The following ATF6 variants were observed in gnomAD, a reference collection of about 807,000 sequenced individuals.
The protein encoded by ATF6 is activating transcription factor 6.
In ATF6, 53 loss-of-function variants were observed where a neutral mutation model predicts 83.6. That is an observed-to-expected ratio of 0.63 (90% CI 0.51 to 0.80). The LOEUF is 0.80. Ranked by LOEUF, ATF6 falls within the 30% of genes least tolerant of loss-of-function variation. ATF6 has a pLI of 0.00. For missense variants in ATF6, 744 were observed against 797.9 expected, an observed-to-expected ratio of 0.93 and a Z score of 0.81; for synonymous variants, 288 against 285.8, an observed-to-expected ratio of 1.01 and a Z score of -0.08.
chr1:161,826,397 T>C (rs1685899463), intron 9 of ATF6, among the ~76,000 whole-genome samples: 1 of 152,164 alleles, frequency 6.6e-6, no homozygotes, highest in Admixed American at 6.5e-5. Context: ...CATGGTAGAT[T>C]GATTGATTAT....
intron 15 of ATF6, among the ~76,000 whole-genome samples, chr1:161,920,150 T>C (rs1322710687): frequency 6.6e-6 from 1 of 152,080 alleles, no homozygotes; most frequent in African/African-American, 2.4e-5. Flanking sequence ...AAAAAAGTAT[T>C]ATCTACCTTG....
chr1:161,871,383 T>A (rs1015098496), intron 14 of ATF6, among the ~76,000 whole-genome samples: 2 of 151,406 alleles, frequency 1.3e-5, no homozygotes, highest in African/African-American at 4.8e-5. Context: ...AAATAACTAT[T>A]GAGTAACCAG....
chr1:161,870,979 G>T (rs1687111654), intron 14 of ATF6, among the ~76,000 whole-genome samples: 1 of 151,664 alleles, frequency 6.6e-6, no homozygotes, highest in Admixed American at 6.6e-5. Context: ...CAGGTTGTAT[G>T]CTTTCTCTGT....
intron 9 of ATF6, chr1:161,840,152 C>A (rs1209724796): frequency 2.0e-5 from 3 of 152,184 alleles, no homozygotes; most frequent in African/African-American, 7.2e-5. Flanking sequence ...ATTTGAATCT[C>A]AGGAAAACCT....
intron 15 of ATF6, among the ~76,000 whole-genome samples, chr1:161,934,841 A>C (rs1416000425): frequency 6.6e-6 from 1 of 152,100 alleles, no homozygotes; most frequent in Admixed American, 6.5e-5. Context: ...GTCATGACCA[A>C]CTTTCACATT....
At chr1:161,946,779 G>A (rs1177364838) in intron 15 of ATF6, among the ~76,000 whole-genome samples, 1 of 152,090 alleles carries the variant, frequency 6.6e-6, no homozygotes, top group African/African-American at 2.4e-5. Flanking sequence ...ACAAAAAATT[G>A]CTGATTTTGT....
intron 9 of ATF6, among the ~76,000 whole-genome samples, chr1:161,844,171 G>T (rs1211128576): frequency 6.6e-6 from 1 of 152,166 alleles, no homozygotes; most frequent in Non-Finnish European, 1.5e-5. Flanking sequence ...TTCTGTAGTG[G>T]TCATACTACC....
intron 4 of ATF6, 109 bp downstream of exon 4, chr1:161,784,205 T>G: frequency 1.3e-6 from 1 of 755,632 alleles, no homozygotes; most frequent in Non-Finnish European, 2.1e-6. Flanking sequence ...AGTTATATTG[T>G]CTCATTTATT....
chr1:161,799,863 A>G (rs749798617), intron 6 of ATF6, among the ~76,000 whole-genome samples: 1 of 152,076 alleles, frequency 6.6e-6, no homozygotes, highest in Non-Finnish European at 1.5e-5. Context: ...CTTTATTTTG[A>G]TTTTTAGTTT....
At position 161,920,036 on chromosome 1, in the gene ATF6, C is replaced by T. The variant is rs535493356; in HGVS notation, c.1804+7656C>T. Among the ~76,000 whole-genome samples the T allele has an allele frequency of 3.3e-5, 5 of 152,230 alleles. No homozygotes were observed. The South Asian group carries it at 6.2e-4, about 19-fold the overall frequency. ...AAATATATTTGGAAACCGTCCTATT[C>T]ATTCTGCTCAAGCAGCCTGGTTTCC... On this transcript the variant is annotated intron_variant, in intron 15 of 15. Transcript: ENST00000367942.
Position 161,863,990 on chromosome 1 carries a change from T to C in ATF6, c.1719+678T>C, listed in dbSNP as rs151336932. ...AGAATTGCCATGTGAATATCTCTGT[T>C]AGAGTGCTGTAGGTTAACCCAGGAG... On this transcript the variant is annotated intron_variant, in intron 14 of 15. Transcript: ENST00000367942. 5.8e-4 allele frequency among the ~76,000 whole-genome samples: 88 copies of C among 152,340 alleles called. 2 individuals carry two copies. The East Asian group carries it at 0.016, about 28-fold the overall frequency.
chr1:161,960,871 C>T lies in ATF6; in HGVS notation c.*2217C>T, dbSNP rs1013229578. 1 of 152,168 alleles carries T rather than the reference C, an allele frequency of 6.6e-6. No homozygotes were observed. The highest frequency in any genetic ancestry group is 1.5e-5 in the Non-Finnish European group (1 of 68,046). 9.4% of individuals were successfully genotyped at this position (152,168 alleles called of 1,614,324 possible). On this transcript the variant is annotated 3_prime_UTR_variant, in exon 16 of 16. Transcript: ENST00000367942. ...ATTCTGTAATGTGAATTAGCCACAC[C>T]AGAGGCTGTGACCATGGCTAGTAGA...
chr1:161,863,052 T>G (rs2340720), intron 13 of ATF6, 146 bp from the exon 14 acceptor site: 292,526 of 504,324 alleles, frequency 0.58, 93,029 homozygotes, highest in Non-Finnish European at 0.67. Context: ...TTGCAAAATA[T>G]TGTTATAAAA....
intron 15 of ATF6, among the ~76,000 whole-genome samples, chr1:161,951,883 T>C (rs778106517): frequency 1.5e-4 from 23 of 152,212 alleles, no homozygotes; most frequent in Non-Finnish European, 1.5e-5. Context: ...TTGTGGTGTC[T>C]GTTTTCCTTT....
intron 9 of ATF6, 52 bp downstream of exon 9, chr1:161,821,213 C>A: frequency 8.0e-7 from 1 of 1,249,542 alleles, no homozygotes; most frequent in African/African-American, 1.5e-5. Flanking sequence ...CTTAAATTCT[C>A]ATTATTCTTT....
At chr1:161,857,036 T>C (rs1686780605) in intron 12 of ATF6, among the ~76,000 whole-genome samples, 1 of 152,176 alleles carries the variant, frequency 6.6e-6, no homozygotes, top group South Asian at 2.1e-4. Flanking sequence ...GTCAGTAGTA[T>C]TTGTCAGTAG....
At chr1:161,776,935 G>A (rs1307096114) in intron 1 of ATF6, among the ~76,000 whole-genome samples, 1 of 152,206 alleles carries the variant, frequency 6.6e-6, no homozygotes, top group Non-Finnish European at 1.5e-5. Flanking sequence ...TTAGGGAGAT[G>A]AGGAAGAACC....
At chr1:161,782,258 A>G (rs1684650064) in intron 3 of ATF6, among the ~76,000 whole-genome samples, 1 of 152,256 alleles carries the variant, frequency 6.6e-6, no homozygotes, top group Non-Finnish European at 1.5e-5. Context: ...ATTTTGAATT[A>G]TGAATAATGT....
At chr1:161,953,015 C>T (rs1688895118) in intron 15 of ATF6, among the ~76,000 whole-genome samples, 1 of 152,118 alleles carries the variant, frequency 6.6e-6, no homozygotes, top group Non-Finnish European at 1.5e-5. Flanking sequence ...TCCTCATCTA[C>T]AACATAGGAA....
Sources: gnomAD v4.1 joint callset for allele counts (sites outside exome capture counted in the v4.1 genomes callset) on GRCh38, gnomAD v4.1.1 for gene constraint, MANE v1.5 for transcripts, NCBI Gene and HGNC (gene_info 2026-07-23, HGNC 2026-07-21) for gene names.